ZHX3: variants seen among roughly 807,000 people sequenced by gnomAD.
ZHX3 encodes zinc fingers and homeoboxes 3.
Under a neutral mutation model 64.5 loss-of-function variants are expected in ZHX3, and 20 were observed. The ratio of observed to expected loss-of-function variants is 0.31; its 90% confidence interval spans 0.22 to 0.45. The LOEUF is 0.45. Among genes scored for constraint, ZHX3 ranks in the 20% least tolerant of loss-of-function variants. The pLI, the probability that ZHX3 is intolerant of heterozygous loss-of-function variation, is 1.00. For synonymous variants in ZHX3, 423 were observed against 461.6 expected (o/e 0.92, Z 1.07); for missense variants, 1,041 against 1,195.8 (o/e 0.87, Z 1.91).
chr20:41,267,638 A>G (rs2042927990), intron 2 of ZHX3: 1 of 152,216 alleles, frequency 6.6e-6, no homozygotes. Context: ...AGAAGGATAG[A>G]GTGATTCCAG....
At chr20:41,257,098 G>A (rs1483718730) in intron 2 of ZHX3, among the ~76,000 whole-genome samples, 2 of 152,120 alleles carry the variant, frequency 1.3e-5, no homozygotes, top group African/African-American at 2.4e-5. Context: ...GACAAAGGAA[G>A]GACCTTCAAC....
intron 2 of ZHX3, among the ~76,000 whole-genome samples, chr20:41,248,025 C>T (rs1007235954): frequency 2.6e-5 from 4 of 152,320 alleles, no homozygotes; most frequent in Non-Finnish European, 2.9e-5. Context: ...CAGGTCCCTG[C>T]GCCTCTCCAG....
intron 1 of ZHX3, among the ~76,000 whole-genome samples, chr20:41,307,760 C>T (rs2045020773): frequency 6.6e-6 from 1 of 152,164 alleles, no homozygotes; most frequent in South Asian, 2.1e-4. Flanking sequence ...TACAAACATT[C>T]CCTTAAAGCA....
intron 2 of ZHX3, among the ~76,000 whole-genome samples, chr20:41,217,904 A>G (rs1191484410): frequency 6.6e-6 from 1 of 152,236 alleles, no homozygotes; most frequent in Non-Finnish European, 1.5e-5. Context: ...CCAACTAAAC[A>G]ATACATCCAC....
At chr20:41,189,243 C>G (rs1003585582) in intron 3 of ZHX3, among the ~76,000 whole-genome samples, 2 of 152,088 alleles carry the variant, frequency 1.3e-5, no homozygotes, top group Non-Finnish European at 2.9e-5. Context: ...GTTACTATAG[C>G]CTTGTGATAT....
chr20:41,247,895 C>T (rs1168561988), intron 2 of ZHX3, among the ~76,000 whole-genome samples: 2 of 152,148 alleles, frequency 1.3e-5, no homozygotes, highest in Non-Finnish European at 2.9e-5. Flanking sequence ...CTTACAAACC[C>T]ACATCTTCCT....
At chr20:41,266,548 T>C (rs2042858698) in intron 2 of ZHX3, among the ~76,000 whole-genome samples, 1 of 47,004 alleles carries the variant, frequency 2.1e-5, no homozygotes, top group Non-Finnish European at 3.3e-5. Context: ...CCAATCTTTC[T>C]TTTTTTTTTT....
chr20:41,268,784 C>A (rs908567033), intron 2 of ZHX3, among the ~76,000 whole-genome samples: 2 of 152,138 alleles, frequency 1.3e-5, no homozygotes, highest in African/African-American at 4.8e-5. Context: ...AGATTCAATG[C>A]AGATTTTTAG....
chr20:41,185,488 C>T lies in ZHX3; in HGVS notation c.2861-287G>A, dbSNP rs144024778. ...CAGTGGTTTGGCCTCTCCAGGCCCA[C>T]TAAATCCCCCTAGCTCCCCAGGCTT... On this transcript the variant is annotated intron_variant, in intron 3 of 3. Coordinates refer to ENST00000683867, the MANE Select transcript of ZHX3 (RefSeq NM_001384317.1). This position sits in a 1 kb window ranked among gnomAD's most constrained non-coding sequence, Gnocchi z 5.0. 269 of 539,590 alleles carry T rather than the reference C, an allele frequency of 5.0e-4. No homozygotes were observed. The highest frequency in any genetic ancestry group is 1.6e-3 in the Admixed American group (45 of 28,590). 33.4% of individuals were successfully genotyped at this position (539,590 alleles called of 1,614,324 possible).
intron 1 of ZHX3, among the ~76,000 whole-genome samples, chr20:41,303,323 T>C (rs931485029): frequency 6.6e-6 from 1 of 152,230 alleles, no homozygotes; most frequent in Non-Finnish European, 1.5e-5. Context: ...GGTAGTCTAG[T>C]AGAACTGATA....
intron 1 of ZHX3, among the ~76,000 whole-genome samples, chr20:41,285,512 A>G (rs950819007): frequency 7.2e-5 from 11 of 152,208 alleles, no homozygotes; most frequent in Non-Finnish European, 1.6e-4. Flanking sequence ...AGTTCATTAA[A>G]ATCTCTTTTG....
chr20:41,196,431 T>A (rs1200745759), intron 3 of ZHX3, among the ~76,000 whole-genome samples: 1 of 48,378 alleles, frequency 2.1e-5, no homozygotes, highest in Non-Finnish European at 3.5e-5. Flanking sequence ...TATATTTATA[T>A]AAATATATAT....
In ZHX3 at chr20:41,201,475, C is replaced by G; in HGVS notation, c.2860+582G>C. On this transcript the variant is annotated intron_variant, in intron 3 of 3. Coordinates refer to ENST00000683867, the MANE Select transcript of ZHX3 (RefSeq NM_001384317.1). This position sits in a 1 kb window ranked among gnomAD's most constrained non-coding sequence, Gnocchi z 5.0. The stretch of plus-strand genomic sequence containing the variant: ...AATCTTCTATGATACATTTTGCTTT[C>G]GAGTACAATCCAGAGAAACTGAGGA... 1.0e-6 allele frequency: 1 copy of G among 966,774 alleles called. No homozygotes were observed. Among genetic ancestry groups the G allele is most frequent in the Non-Finnish European group, 1.4e-6 (1 of 694,976 alleles). The allele number at this position is 966,774 out of a possible 1,614,324, so 59.9% of individuals were successfully genotyped here. A position where few individuals can be genotyped will look rare whatever the true frequency, so the allele number is the denominator to read the frequency against.
At position 41,201,001 on chromosome 20, in the gene ZHX3, C is replaced by A. The variant is rs943274824; in HGVS notation, c.2860+1056G>T. On this transcript the variant is annotated intron_variant, in intron 3 of 3. Coordinates refer to ENST00000683867, the MANE Select transcript of ZHX3 (RefSeq NM_001384317.1). The surrounding 1 kb of genome is among the most constrained non-coding windows in gnomAD (Gnocchi z 5.0). ...TTGCCAGGCCAAAATAAACAAACAA[C>A]AATGGTTGGCTATTGTATGGAAACA... Among the ~76,000 whole-genome samples, 6 of 152,162 alleles carry A rather than the reference C, an allele frequency of 3.9e-5. No homozygotes were observed.
chr20:41,315,908 C>A (rs1270508230), intron 1 of ZHX3, among the ~76,000 whole-genome samples: 1 of 150,600 alleles, frequency 6.6e-6, no homozygotes, highest in Non-Finnish European at 1.5e-5. Context: ...TTCAAGTTTT[C>A]TGCCTTAAAC....
chr20:41,210,391 T>C (rs1214674935), intron 2 of ZHX3, among the ~76,000 whole-genome samples: 2 of 152,316 alleles, frequency 1.3e-5, no homozygotes, highest in Admixed American at 1.3e-4. Flanking sequence ...TAAAGACACA[T>C]GCACACGTAT....
intron 1 of ZHX3, among the ~76,000 whole-genome samples, chr20:41,280,500 G>A (rs767379399): frequency 6.6e-6 from 1 of 152,188 alleles, no homozygotes; most frequent in Non-Finnish European, 1.5e-5. Context: ...AAAGATCTAT[G>A]GAGATACTAA....
At chr20:41,235,067 T>A (rs529114842) in intron 2 of ZHX3, among the ~76,000 whole-genome samples, 1 of 152,154 alleles carries the variant, frequency 6.6e-6, no homozygotes, top group Non-Finnish European at 1.5e-5. Context: ...CTCTTTTCCA[T>A]GAGAGACAGT....
At chr20:41,215,585 C>A (rs984030910) in intron 2 of ZHX3, among the ~76,000 whole-genome samples, 1 of 151,832 alleles carries the variant, frequency 6.6e-6, no homozygotes, top group Non-Finnish European at 1.5e-5. Context: ...CTCTTCCAAG[C>A]GTTATGATAG....
Sources: gnomAD v4.1 joint callset for allele counts (sites outside exome capture counted in the v4.1 genomes callset) on GRCh38, gnomAD v4.1.1 for gene constraint, Gnocchi (gnomAD v3.1) non-coding constraint, MANE v1.5 for transcripts, NCBI Gene and HGNC (gene_info 2026-07-23, HGNC 2026-07-21) for gene names.